The following MYO9B variants were observed in gnomAD, a reference collection of about 807,000 sequenced individuals.
The protein encoded by MYO9B is myosin IXB, also known as unconventional myosin-IXb.
Under a neutral mutation model 229.5 loss-of-function variants are expected in MYO9B, and 71 were observed. The ratio of observed to expected loss-of-function variants is 0.31; its 90% CI spans 0.26 to 0.38. The LOEUF is 0.38. Among genes scored for constraint, MYO9B ranks in the 10% least tolerant of loss-of-function variants. The pLI, the probability that MYO9B is intolerant of heterozygous loss-of-function variation, is 1.00. For synonymous variants in MYO9B, 1,185 were observed against 1,235.8 expected (o/e 0.96, Z 0.86); for missense variants, 2,255 against 2,920.5 (o/e 0.77, Z 5.25).
intron 8 of MYO9B, among the ~76,000 whole-genome samples, chr19:17,161,463 G>T (rs1316283112): frequency 1.8e-4 from 27 of 152,074 alleles, no homozygotes; most frequent in Admixed American, 1.8e-3. Flanking sequence ...AGGATTGCTT[G>T]AGCCCAGGAG....
chr19:17,135,341 G>A (rs928041441), intron 2 of MYO9B, among the ~76,000 whole-genome samples: 1 of 151,384 alleles, frequency 6.6e-6, no homozygotes, highest in African/African-American at 2.4e-5. Context: ...GGGTTTTATA[G>A]CCTGGGGGGA....
chr19:17,179,042 A>C (rs1436531497), intron 14 of MYO9B, among the ~76,000 whole-genome samples: 8 of 151,556 alleles, frequency 5.3e-5, no homozygotes, highest in Middle Eastern at 3.2e-3. Context: ...AAAAAAAAAA[A>C]AAAAAACTAG....
intron 1 of MYO9B, among the ~76,000 whole-genome samples, chr19:17,086,997 C>A (rs2057589428): frequency 5.3e-5 from 8 of 152,186 alleles, no homozygotes; most frequent in Admixed American, 5.2e-4. Context: ...CCCCAAAGCA[C>A]TTATCACTGT....
chr19:17,175,695 G>A lies in MYO9B; in HGVS notation c.2173G>A (p.Glu725Lys). ...MSSPGAQSHP[E>K]ELPRGASTPS... ...CAGCCCTGGTGCCCAAAGTCACCCA[G>A]AAGAGCTGCCAAGAGGAGCCAGCAC... The change falls in exon 14 of 40, where the codon GAA becomes AAA. Residue 725 changes from glutamate to lysine, a missense_variant. Coordinates refer to ENST00000682292, the MANE Select transcript of MYO9B (RefSeq NM_004145.4). 6.3e-7 allele frequency: 1 copy of A among 1,575,506 alleles called. No homozygotes were observed. Among genetic ancestry groups the A allele is most frequent in the Non-Finnish European group, 8.6e-7 (1 of 1,161,040 alleles).
chr19:17,093,856 C>CT (rs1342915660), intron 1 of MYO9B, among the ~76,000 whole-genome samples: 2 of 125,328 alleles, frequency 1.6e-5, no homozygotes, highest in Non-Finnish European at 3.6e-5. Context: ...CTATGCCCAG[C>CT]TAATTTATTT....
intron 2 of MYO9B, among the ~76,000 whole-genome samples, chr19:17,141,212 C>G (rs2072334859): frequency 6.6e-6 from 1 of 152,084 alleles, no homozygotes; most frequent in Non-Finnish European, 1.5e-5. Flanking sequence ...CTCTCTGTGT[C>G]ATTGTGTCTC....
chr19:17,114,171 T>C (rs1474491635), intron 2 of MYO9B, among the ~76,000 whole-genome samples: 2 of 152,224 alleles, frequency 1.3e-5, no homozygotes, highest in Non-Finnish European at 2.9e-5. Context: ...TTAGGCCAAC[T>C]GTATGACAAG....
intron 2 of MYO9B, among the ~76,000 whole-genome samples, chr19:17,141,804 C>T (rs534607120): frequency 2.6e-4 from 40 of 152,332 alleles, no homozygotes; most frequent in African/African-American, 9.6e-4. Context: ...GGGACCCCTG[C>T]ACACTCCCTG....
intron 11 of MYO9B, among the ~76,000 whole-genome samples, chr19:17,171,367 T>C (rs2072723153): frequency 6.6e-6 from 1 of 152,022 alleles, no homozygotes; most frequent in Non-Finnish European, 1.5e-5. Flanking sequence ...AGAGCCCTGC[T>C]TCATCCTCCT....
chr19:17,082,537 A>T (rs2057542698), intron 1 of MYO9B, among the ~76,000 whole-genome samples: 1 of 151,984 alleles, frequency 6.6e-6, no homozygotes. Context: ...GGCAGACGAG[A>T]TCGGGGGCAG....
At chr19:17,127,903 G>T (rs763735565) in intron 2 of MYO9B, among the ~76,000 whole-genome samples, 33 of 152,166 alleles carry the variant, frequency 2.2e-4, no homozygotes, top group Non-Finnish European at 3.8e-4. Context: ...AGAAAATCCC[G>T]CTTAATCCTC....
At chr19:17,123,248 G>A (rs1429213877) in intron 2 of MYO9B, among the ~76,000 whole-genome samples, 1 of 152,184 alleles carries the variant, frequency 6.6e-6, no homozygotes, top group Admixed American at 6.6e-5. Flanking sequence ...AGGTGTACCA[G>A]GCAGTGAGAA....
chr19:17,209,273 G>T lies in MYO9B; in HGVS notation c.5625-313G>T, dbSNP rs554397688. Among the ~76,000 whole-genome samples the T allele has an allele frequency of 3.9e-5, 6 of 152,338 alleles. No homozygotes were observed. The East Asian group carries it at 1.2e-3, about 29-fold the overall frequency. ...CTGGGGCCATCTGCCTATTGCCCCT[G>T]GGACAAACTGCCCAGCAGCTTGTAC... On this transcript the variant is annotated intron_variant, in intron 35 of 39. Coordinates refer to ENST00000682292, the MANE Select transcript of MYO9B (RefSeq NM_004145.4).
In MYO9B at chr19:17,101,403, G is replaced by A. The variant is rs2057743185; in HGVS notation, c.-58-257G>A. ...GCTGGTCTCAAACTCCTGGCCTCAA[G>A]CGATCCTCCCACCTTGGCCTCCTAA... On this transcript the variant is annotated intron_variant, in intron 1 of 39. Transcript: ENST00000682292. This position sits in a 1 kb window ranked among gnomAD's most constrained non-coding sequence, Gnocchi z 4.7. 1.3e-5 allele frequency among the ~76,000 whole-genome samples: 2 copies of A among 152,042 alleles called. No individual in the cohort carries two copies. The highest frequency in any genetic ancestry group is 2.9e-5 in the Non-Finnish European group (2 of 68,006).
At position 17,194,841 on chromosome 19, in the gene MYO9B, C is replaced by T. The variant is rs1195181210; in HGVS notation, c.3414C>T (p.His1138=). 5.6e-6 allele frequency: 9 copies of T among 1,613,150 alleles called. No homozygotes were observed. Among genetic ancestry groups the T allele is most frequent in the African/African-American group, 1.3e-5 (1 of 74,916 alleles). The part of the protein sequence containing the change: ...PPQKTVAAES[H]EKVPSSREKR... ...AGAAAACCGTGGCGGCTGAAAGTCA[C>T]GAGAAAGTCCCCAGCAGCCGGGAGA... The change falls in exon 22 of 40, where the codon CAC becomes CAT. Residue 1138 remains histidine, a synonymous_variant. Transcript: ENST00000682292.
chr19:17,080,087 T>TA (rs2057521086), intron 1 of MYO9B, among the ~76,000 whole-genome samples: 1 of 152,150 alleles, frequency 6.6e-6, no homozygotes, highest in African/African-American at 2.4e-5. Context: ...ATAAATAAAG[T>TA]AGTGATTCAA....
chr19:17,157,005 C>T lies in MYO9B; in HGVS notation c.1296C>T (p.Pro432=), dbSNP rs757129203. Reference sequence around the variant, plus strand: ...AGGAAGGGTTGGAGGTCGGGCCACCCGAGGTGCTGGACACCCTGTCGCAGC... The same window carrying T: ...AGGAAGGGTTGGAGGTCGGGCCACCTGAGGTGCTGGACACCCTGTCGCAGC... ...GREEGLEVGP[P]EVLDTLSQLL... is the part of the protein sequence containing the mutation. Residue 432 remains proline (P), a synonymous_variant, in exon 7 of 40, where the codon CCC becomes CCT. Coordinates refer to ENST00000682292, the MANE Select transcript of MYO9B (RefSeq NM_004145.4). The T allele has an allele frequency of 4.4e-5, 71 of 1,613,618 alleles. No homozygotes were observed. Among genetic ancestry groups the T allele is most frequent in the Admixed American group, 1.5e-4 (9 of 59,990 alleles).
intron 2 of MYO9B, chr19:17,103,254 C>T (rs11666568): frequency 2.5e-4 from 38 of 152,182 alleles, no homozygotes; most frequent in African/African-American, 8.7e-4. Flanking sequence ...TGTTATTATT[C>T]AGGTACTGCG....
chr19:17,150,393 G>A (rs536724225), intron 3 of MYO9B, among the ~76,000 whole-genome samples: 1 of 151,508 alleles, frequency 6.6e-6, no homozygotes, highest in East Asian at 1.9e-4. Context: ...GGGTGGCAGA[G>A]TGAGACTCCG....
Sources: allele counts gnomAD v4.1 joint callset (sites outside exome capture counted in the v4.1 genomes callset), GRCh38; gene constraint gnomAD v4.1.1; non-coding constraint Gnocchi (gnomAD v3.1); transcripts MANE v1.5; gene names NCBI Gene and HGNC (gene_info 2026-07-23, HGNC 2026-07-21).